DLG5: variants seen among roughly 807,000 people sequenced by gnomAD.
DLG5 encodes discs large MAGUK scaffold protein 5.
In DLG5, 48 loss-of-function variants were observed where a neutral mutation model predicts 189.8. That is an observed-to-expected ratio of 0.25 (90% CI 0.20 to 0.32). The LOEUF is 0.32. Ranked by LOEUF, DLG5 falls within the 10% of genes least tolerant of loss-of-function variation. DLG5 has a pLI of 1.00. For missense variants in DLG5, 2,160 were observed against 2,544.7 expected, an observed-to-expected ratio of 0.85 and a Z score of 3.25; for synonymous variants, 1,016 against 1,054.1, an observed-to-expected ratio of 0.96 and a Z score of 0.70.
rs987661945 is a variant in DLG5, at chr10:77,814,389, T to TA, written c.4026-2013dup. ...TCAAAAGAGGTTTATAAAGTATACT[T>TA]AAACTATTAAAAATAGCTAAAAACA... On this transcript the variant is annotated intron_variant, in intron 20 of 31. Transcript: ENST00000372391. 4.1e-5 allele frequency among the ~76,000 whole-genome samples: 6 copies of TA among 148,064 alleles called. No homozygotes were observed. The Admixed American group carries it at 4.1e-4, about 10-fold the overall frequency.
chr10:77,811,916 G>C lies in DLG5; in HGVS notation c.4322+8C>G. On this transcript the variant is annotated splice_region_variant and intron_variant, in intron 22 of 31. Coordinates refer to ENST00000372391, the MANE Select transcript of DLG5 (RefSeq NM_004747.4). The stretch of plus-strand genomic sequence containing the variant: ...CAGCCCAGACGGCCCTGGGAGGCCC[G>C]CACTCACCTGGACCGGGAGTGGCTG... 6.2e-7 allele frequency: 1 copy of C among 1,602,428 alleles called. No homozygotes were observed.
chr10:77,843,400 C>A (rs1448010867), intron 6 of DLG5, 47 bp downstream of exon 6: 1 of 1,595,486 alleles, frequency 6.3e-7, no homozygotes, highest in African/African-American at 1.3e-5. Context: ...TGGCTGGGAA[C>A]CTTATAGGAC....
intron 1 of DLG5, among the ~76,000 whole-genome samples, chr10:77,891,132 C>T (rs1046228707): frequency 2.6e-5 from 4 of 152,196 alleles, no homozygotes; most frequent in Admixed American, 6.5e-5. Flanking sequence ...GAATGACCTG[C>T]TCCCCTATCT....
chr10:77,812,172 C>T lies in DLG5; in HGVS notation c.4188+43G>A, dbSNP rs777801692. On this transcript the variant is annotated intron_variant, in intron 21 of 31. Transcript: ENST00000372391. ...AGGAGGAGGAGAGGGGGAAGAAGTG[C>T]AGGTTTCCATGGGCGCCATGCAGGA... 5.6e-6 allele frequency: 9 copies of T among 1,600,756 alleles called. No homozygotes were observed. The Admixed American group carries it at 1.3e-4, about 24-fold the overall frequency.
intron 23 of DLG5, among the ~76,000 whole-genome samples, chr10:77,810,637 C>G (rs1841715536): frequency 1.3e-5 from 2 of 152,220 alleles, no homozygotes; most frequent in Admixed American, 6.5e-5. Context: ...GCTGCCACCT[C>G]CCCTGCCACA....
intron 15 of DLG5, chr10:77,820,619 C>T (rs545716268): frequency 2.8e-5 from 5 of 179,032 alleles, no homozygotes; most frequent in South Asian, 1.6e-4. Flanking sequence ...GAGGGCTGTG[C>T]GAAGCTCTTT....
rs771236816 is a variant in DLG5, at chr10:77,854,351, G to A, written c.556C>T (p.Pro186Ser). ...TGGATCTTCAGCCTCTCATAGTCAG[G>A]ATTCAGCCTGTGGTAGGGCCTGGCC... ...FDKRPYHRLNPDYERLKIQCV... is the reference protein window; with the variant it reads ...FDKRPYHRLNSDYERLKIQCV... The change falls in exon 4 of 32, where the codon CCT becomes TCT. Residue 186 changes from proline to serine, a missense_variant. Around this residue, in one of 5 missense-constraint regions of DLG5, gnomAD observed 664 missense variants for 838.5 expected, o/e 0.79. Coordinates refer to ENST00000372391, the MANE Select transcript of DLG5 (RefSeq NM_004747.4). The A allele has an allele frequency of 2.5e-6, 4 of 1,614,108 alleles. No homozygotes were observed. In the South Asian group the frequency reaches 4.4e-5, roughly 18 times the overall value.
In DLG5 at chr10:77,793,979, C is replaced by A. The variant is rs775815182; in HGVS notation, c.5656+29G>T. 5.7e-6 allele frequency: 9 copies of A among 1,589,870 alleles called. No homozygotes were observed. In the Admixed American group the frequency reaches 1.5e-4, roughly 27 times the overall value. On this transcript the variant is annotated intron_variant, in intron 31 of 31. Transcript: ENST00000372391. Reference sequence around the variant, plus strand: ...CCTCTGCTTCCTTCCCTGCTGCCTGCTCCCCACTCCAGGCCCACGCACACC... The same window carrying A: ...CCTCTGCTTCCTTCCCTGCTGCCTGATCCCCACTCCAGGCCCACGCACACC...
chr10:77,841,461 G>A (rs1311604707), intron 7 of DLG5, among the ~76,000 whole-genome samples: 1 of 152,202 alleles, frequency 6.6e-6, no homozygotes, highest in African/African-American at 2.4e-5. Context: ...GGTGAAAAAG[G>A]GCCCCTGAGG....
chr10:77,878,714 T>C lies in DLG5; in HGVS notation c.305-9517A>G, dbSNP rs966938464. On this transcript the variant is annotated intron_variant, in intron 1 of 31. Coordinates refer to ENST00000372391, the MANE Select transcript of DLG5 (RefSeq NM_004747.4). ...GGAGGCTTCCTCTCCCCTCCCACCA[T>C]TCCACGTGGCCATGGCAATTCCAAG... 7.2e-5 allele frequency among the ~76,000 whole-genome samples: 11 copies of C among 152,304 alleles called. No homozygotes were observed. The East Asian group carries it at 9.6e-4, about 13-fold the overall frequency.
At chr10:77,902,719 G>T (rs1216787404) in intron 1 of DLG5, among the ~76,000 whole-genome samples, 2 of 152,086 alleles carry the variant, frequency 1.3e-5, no homozygotes, top group Non-Finnish European at 1.5e-5. Flanking sequence ...AATTAGCTAG[G>T]CGTGGTGGCA....
chr10:77,857,008 C>T, intron 2 of DLG5, 116 bp from the exon 3 acceptor site: 2 of 917,766 alleles, frequency 2.2e-6, no homozygotes, highest in South Asian at 1.7e-5. Context: ...AGTGGGTCCT[C>T]TTAGCATTCC....
intron 2 of DLG5, among the ~76,000 whole-genome samples, chr10:77,863,149 T>C (rs1844539468): frequency 1.3e-5 from 2 of 152,162 alleles, no homozygotes; most frequent in South Asian, 4.1e-4. Flanking sequence ...TAGAGTGCAG[T>C]GACACAATCA....
chr10:77,869,575 G>A (rs1192856588), intron 1 of DLG5: 2 of 257,834 alleles, frequency 7.8e-6, no homozygotes, highest in Admixed American at 5.5e-5. Context: ...CATGCAGAGG[G>A]TAACAGAGCA....
chr10:77,919,045 G>A (rs377610620), intron 1 of DLG5, among the ~76,000 whole-genome samples: 13 of 152,100 alleles, frequency 8.5e-5, no homozygotes, highest in Middle Eastern at 3.4e-3. Flanking sequence ...GCAAAATCCC[G>A]TCTCTACTAA....
intron 6 of DLG5, among the ~76,000 whole-genome samples, chr10:77,842,518 A>C (rs935909941): frequency 6.6e-6 from 1 of 152,260 alleles, no homozygotes; most frequent in Admixed American, 6.5e-5. Context: ...TGCCAGGATA[A>C]CAGCATAAAG....
intron 27 of DLG5, among the ~76,000 whole-genome samples, chr10:77,798,857 G>C (rs1276090500): frequency 6.6e-6 from 1 of 152,176 alleles, no homozygotes. Context: ...GAATGGTTTG[G>C]AAGAATATTA....
intron 2 of DLG5, among the ~76,000 whole-genome samples, chr10:77,861,075 C>T (rs1449369121): frequency 6.6e-6 from 1 of 152,140 alleles, no homozygotes; most frequent in East Asian, 1.9e-4. Flanking sequence ...TGTTTAACAT[C>T]CAGCTTCACA....
intron 13 of DLG5, 63 bp downstream of exon 13, chr10:77,828,819 A>G (rs758309935): frequency 1.3e-6 from 2 of 1,560,140 alleles, no homozygotes; most frequent in South Asian, 2.2e-5. Context: ...TTCTTGCTCA[A>G]ACCTCCCAAA....
Sources: allele counts gnomAD v4.1 joint callset (sites outside exome capture counted in the v4.1 genomes callset), GRCh38; gene constraint gnomAD v4.1.1; regional missense constraint gnomAD v4.1.1; transcripts MANE v1.5; gene names NCBI Gene and HGNC (gene_info 2026-07-23, HGNC 2026-07-21).